The following PCDH15 variants were observed in gnomAD, a reference collection of about 807,000 sequenced individuals.
PCDH15 encodes protocadherin related 15.
Under a neutral mutation model 178.5 loss-of-function variants are expected in PCDH15, and 129 were observed. The ratio of observed to expected loss-of-function variants is 0.72; its 90% CI spans 0.63 to 0.84. The LOEUF is 0.84. Among genes scored for constraint, PCDH15 ranks in the 40% least tolerant of loss-of-function variants. The pLI, the probability that PCDH15 is intolerant of heterozygous loss-of-function variation, is 0.00. For synonymous variants in PCDH15, 800 were observed against 732.0 expected (o/e 1.09, Z -1.50); for missense variants, 2,230 against 2,099.9 (o/e 1.06, Z -1.21).
At chr10:54,122,931 A>G (rs1417672205) in intron 15 of PCDH15, among the ~76,000 whole-genome samples, 2 of 152,002 alleles carry the variant, frequency 1.3e-5, no homozygotes, top group African/African-American at 4.8e-5. Context: ...AGGACTCCCT[A>G]TTCAATAAAT....
At chr10:55,510,969 T>C (rs1200689640) in intron 2 of PCDH15, among the ~76,000 whole-genome samples, 1 of 151,340 alleles carries the variant, frequency 6.6e-6, no homozygotes, top group Non-Finnish European at 1.5e-5. Flanking sequence ...CAAGTGATCC[T>C]CCATGTCAAC....
At chr10:54,052,771 C>A (rs1464846789) in intron 18 of PCDH15, among the ~76,000 whole-genome samples, 1 of 152,086 alleles carries the variant, frequency 6.6e-6, no homozygotes, top group African/African-American at 2.4e-5. Context: ...GCTGTGTCCC[C>A]ACCCAAATCT....
At chr10:54,304,074 T>C (rs916499073) in intron 8 of PCDH15, among the ~76,000 whole-genome samples, 7 of 152,142 alleles carry the variant, frequency 4.6e-5, no homozygotes, top group Non-Finnish European at 7.4e-5. Context: ...CTTTGACTTA[T>C]CAGTATAAAT....
chr10:54,236,939 A>G lies in PCDH15; in HGVS notation c.877-8T>C, dbSNP rs770813649. On this transcript the variant is annotated splice_polypyrimidine_tract_variant and splice_region_variant and intron_variant, in intron 8 of 37. Transcript: ENST00000644397. The stretch of plus-strand genomic sequence containing the variant: ...AATGGGGTTCAGTTCTTCCTGAAAA[A>G]AAAATTAAGAGAGTTTCATTCAGCC... The G allele has an allele frequency of 1.2e-6, 2 of 1,603,124 alleles. No homozygotes were observed. The highest frequency in any genetic ancestry group is 1.7e-6 in the Non-Finnish European group (2 of 1,170,150).
chr10:55,430,625 T>A (rs888698574), intron 2 of PCDH15, among the ~76,000 whole-genome samples: 2 of 152,180 alleles, frequency 1.3e-5, no homozygotes, highest in Non-Finnish European at 2.9e-5. Context: ...ATTCCTTTAG[T>A]TCTTTTTAGA....
At chr10:55,087,217 A>G (rs1842194448) in intron 2 of PCDH15, among the ~76,000 whole-genome samples, 1 of 152,160 alleles carries the variant, frequency 6.6e-6, no homozygotes, top group Non-Finnish European at 1.5e-5. Context: ...AAATGGAAGA[A>G]TATTTAGTCA....
intron 20 of PCDH15, among the ~76,000 whole-genome samples, chr10:54,007,861 G>A (rs1168896291): frequency 6.6e-6 from 1 of 152,112 alleles, no homozygotes; most frequent in African/African-American, 2.4e-5. Context: ...GTATCTCCTA[G>A]CGAATACCAT....
At chr10:55,360,779 C>A (rs945142668) in intron 2 of PCDH15, among the ~76,000 whole-genome samples, 1 of 151,888 alleles carries the variant, frequency 6.6e-6, no homozygotes, top group Non-Finnish European at 1.5e-5. Context: ...AACATTTTGA[C>A]AGCATTTAAC....
At chr10:55,598,522 A>ATG (rs1842984958) in intron 2 of PCDH15, among the ~76,000 whole-genome samples, 1 of 17,274 alleles carries the variant, frequency 5.8e-5, no homozygotes, top group Non-Finnish European at 9.4e-5. Flanking sequence ...TAATATATAT[A>ATG]TATATATATA....
intron 1 of PCDH15, among the ~76,000 whole-genome samples, chr10:54,721,228 A>G (rs755260185): frequency 1.3e-5 from 2 of 151,984 alleles, no homozygotes; most frequent in Non-Finnish European, 2.9e-5. Flanking sequence ...CTGGGATACA[A>G]CAAAGAAAAG....
intron 3 of PCDH15, among the ~76,000 whole-genome samples, chr10:54,881,439 T>C (rs567687257): frequency 1.3e-5 from 2 of 152,260 alleles, no homozygotes; most frequent in Admixed American, 1.3e-4. Context: ...TAGTCTGTGC[T>C]TTTCTTTTTT....
At chr10:55,397,757 T>C (rs1837964767) in intron 2 of PCDH15, among the ~76,000 whole-genome samples, 1 of 151,674 alleles carries the variant, frequency 6.6e-6, no homozygotes. Flanking sequence ...GGCTAATTTT[T>C]GTATTTCTAG....
Position 54,455,093 on chromosome 10 carries a change from A to G in PCDH15, c.157+72719T>C, listed in dbSNP as rs552492700. Among the ~76,000 whole-genome samples, 79 of 152,204 alleles carry G rather than the reference A, an allele frequency of 5.2e-4. 1 individual carries two copies. Among genetic ancestry groups the G allele is most frequent in the South Asian group, 4.1e-3 (20 of 4,832 alleles). On this transcript the variant is annotated intron_variant, in intron 3 of 37. Transcript: ENST00000644397. ...CCTTCCTGCTGCCATGTGAAGAAGAATGTGTTTACTTCCCCTTCCAATATG... is the reference window on the plus strand; with the variant it reads ...CCTTCCTGCTGCCATGTGAAGAAGAGTGTGTTTACTTCCCCTTCCAATATG...
intron 14 of PCDH15, among the ~76,000 whole-genome samples, chr10:54,144,021 T>A (rs1413353960): frequency 6.6e-6 from 1 of 152,094 alleles, no homozygotes; most frequent in Non-Finnish European, 1.5e-5. Flanking sequence ...AGGCTAAGTA[T>A]ATGGGCCTGA....
intron 1 of PCDH15, among the ~76,000 whole-genome samples, chr10:55,289,724 C>T (rs1842961416): frequency 6.6e-6 from 1 of 151,922 alleles, no homozygotes. Context: ...AATGTATCCC[C>T]CAACAGTTCA....
intron 8 of PCDH15, among the ~76,000 whole-genome samples, chr10:54,253,656 T>A (rs1376200605): frequency 6.6e-6 from 1 of 152,070 alleles, no homozygotes; most frequent in Non-Finnish European, 1.5e-5. Flanking sequence ...GATTAGTGAT[T>A]TCTTTTTATA....
Position 54,153,137 on chromosome 10 carries a change from C to T in PCDH15, c.1747G>A (p.Val583Ile). ...MIVGRTYALT[V>I]QAADNAPPAE... Reference sequence around the variant, plus strand: ...GGAGGAGCATTATCCGCTGCTTGGACCGTGAGTGCGTAAGTCCGCCCGACT... The same window carrying T: ...GGAGGAGCATTATCCGCTGCTTGGATCGTGAGTGCGTAAGTCCGCCCGACT... The change falls in exon 14 of 38, where the codon GTC (valine) becomes ATC (isoleucine). Residue 583 changes from valine to isoleucine, a missense_variant. Val to Ile is a conservative substitution (Grantham distance 29). Coordinates refer to ENST00000644397, the MANE Select transcript of PCDH15 (RefSeq NM_001384140.1). 6.2e-7 allele frequency: 1 copy of T among 1,613,908 alleles called. No homozygotes were observed. Among genetic ancestry groups the T allele is most frequent in the Non-Finnish European group, 8.5e-7 (1 of 1,179,872 alleles).
At chr10:53,963,876 T>C (rs892625080) in intron 21 of PCDH15, among the ~76,000 whole-genome samples, 2 of 152,174 alleles carry the variant, frequency 1.3e-5, no homozygotes, top group Non-Finnish European at 2.9e-5. Context: ...TCCATTGTAT[T>C]AAAATTATCT....
At chr10:54,133,784 C>T (rs2042647373) in intron 14 of PCDH15, among the ~76,000 whole-genome samples, 1 of 151,776 alleles carries the variant, frequency 6.6e-6, no homozygotes, top group African/African-American at 2.4e-5. Context: ...GAAACATTAG[C>T]TGAAATATAT....
Sources: allele counts gnomAD v4.1 joint callset (sites outside exome capture counted in the v4.1 genomes callset), GRCh38; gene constraint gnomAD v4.1.1; transcripts MANE v1.5; gene names NCBI Gene and HGNC (gene_info 2026-07-23, HGNC 2026-07-21).